TMEM117: variants seen among roughly 807,000 people sequenced by gnomAD.
TMEM117 encodes the protein transmembrane protein 117.
A neutral mutation model predicts 52.4 loss-of-function variants in TMEM117; 27 were observed. That is an observed-to-expected ratio of 0.51 (90% CI 0.38 to 0.71). TMEM117 has a LOEUF of 0.71. Ranked by LOEUF, TMEM117 falls within the 30% of genes least tolerant of loss-of-function variation. The pLI, the probability that TMEM117 is intolerant of heterozygous loss-of-function variation, is 0.00. For missense variants in TMEM117, 556 were observed against 630.5 expected, an observed-to-expected ratio of 0.88 and a Z score of 1.26; for synonymous variants, 215 against 206.3, an observed-to-expected ratio of 1.04 and a Z score of -0.36.
At chr12:43,828,784 G>A in the TMEM117 span, among the ~76,000 whole-genome samples, 5 of 152,114 alleles carry the variant, frequency 3.3e-5, no homozygotes, top group South Asian at 1.0e-3. Flanking sequence ...TATCCCCCAT[G>A]AGTCCCTGCT....
intron 2 of TMEM117, among the ~76,000 whole-genome samples, chr12:43,904,969 C>T (rs543204056): frequency 1.3e-5 from 2 of 152,092 alleles, no homozygotes; most frequent in Non-Finnish European, 2.9e-5. Context: ...CAAGGAGAAA[C>T]CCTGTCTCTA....
In TMEM117 at chr12:44,100,329, C is replaced by G. The variant is rs558729568; in HGVS notation, c.411-43196C>G. Among the ~76,000 whole-genome samples, 7 of 152,032 alleles carry G rather than the reference C, an allele frequency of 4.6e-5. No homozygotes were observed. In the East Asian group the frequency reaches 1.4e-3, roughly 30 times the overall value. Reference sequence around the variant, plus strand: ...AGATTTATTCTTTTCATTTGGAATACTGGTCATTTTTTTATGGGCAGTACT... The same window carrying G: ...AGATTTATTCTTTTCATTTGGAATAGTGGTCATTTTTTTATGGGCAGTACT... On this transcript the variant is annotated intron_variant, in intron 3 of 7. Transcript: ENST00000266534.
intron 2 of TMEM117, among the ~76,000 whole-genome samples, chr12:43,900,754 C>A (rs1944291029): frequency 6.6e-6 from 1 of 151,320 alleles, no homozygotes; most frequent in Non-Finnish European, 1.5e-5. Context: ...CTCTTCAATT[C>A]TTTCTTTTTG....
intron 6 of TMEM117, among the ~76,000 whole-genome samples, chr12:44,372,315 T>A (rs552801405): frequency 6.6e-6 from 1 of 152,340 alleles, no homozygotes; most frequent in East Asian, 1.9e-4. Flanking sequence ...TTTTATCTTG[T>A]GTTCAAAATA....
intron 2 of TMEM117, among the ~76,000 whole-genome samples, chr12:43,871,078 C>G (rs1477406082): frequency 6.6e-6 from 1 of 151,848 alleles, no homozygotes; most frequent in Non-Finnish European, 1.5e-5. Context: ...AGCCACTGCA[C>G]CCAGCCTTCT....
intron 3 of TMEM117, among the ~76,000 whole-genome samples, chr12:44,092,332 GT>G (rs1368605331): frequency 6.6e-6 from 1 of 152,146 alleles, no homozygotes; most frequent in African/African-American, 2.4e-5. Flanking sequence ...CTGACAGGGT[GT>G]TCCTTTCAAA....
intron 3 of TMEM117, among the ~76,000 whole-genome samples, chr12:44,059,086 G>T (rs1031243800): frequency 3.3e-5 from 5 of 152,110 alleles, no homozygotes; most frequent in Non-Finnish European, 5.9e-5. Flanking sequence ...TGGGGTTCAT[G>T]CTCCTATGAG....
chr12:44,252,773 C>T (rs890207747), intron 5 of TMEM117, among the ~76,000 whole-genome samples: 6 of 152,146 alleles, frequency 3.9e-5, no homozygotes, highest in Admixed American at 6.5e-5. Flanking sequence ...GTTTTCCCCA[C>T]AGGACTGTGA....
rs144657591 is a variant in TMEM117 at position 44,312,258 on chromosome 12, C to G, written c.768+12519C>G. On this transcript the variant is annotated intron_variant, in intron 6 of 7. Coordinates refer to ENST00000266534, the MANE Select transcript of TMEM117 (RefSeq NM_032256.3). ...AGATTTTCAGTTTTTCAGCCCTTGT[C>G]CCTTCCCTTCCCTCTCTAGTAATCC... Among the ~76,000 whole-genome samples, 260 of 151,910 alleles carry G rather than the reference C, an allele frequency of 1.7e-3. 1 individual carries two copies. Among genetic ancestry groups the G allele is most frequent in the African/African-American group, 6.0e-3 (249 of 41,390 alleles).
chr12:43,997,547 T>C (rs1946051184), intron 3 of TMEM117, among the ~76,000 whole-genome samples: 1 of 152,210 alleles, frequency 6.6e-6, no homozygotes, highest in Non-Finnish European at 1.5e-5. Flanking sequence ...TTCCTTTGCA[T>C]CCTCCAATTC....
intron 2 of TMEM117, among the ~76,000 whole-genome samples, chr12:43,857,728 CCT>C: frequency 6.6e-6 from 1 of 152,244 alleles, no homozygotes; most frequent in South Asian, 2.1e-4. Flanking sequence ...AGAATTTTCC[CCT>C]GATTTATTTC....
chr12:43,920,341 G>A (rs1944671281), intron 2 of TMEM117, among the ~76,000 whole-genome samples: 1 of 152,050 alleles, frequency 6.6e-6, no homozygotes, highest in Admixed American at 6.6e-5. Flanking sequence ...GTGAAACCCT[G>A]TCTCTACTAA....
rs981963716 is a variant in TMEM117, at chr12:44,017,438, T to C, written c.410+73096T>C. ...CTCACAGTTGTGGAAAGAAATCTTA[T>C]ATGATTTCTAAAAGCAAGGATCTGC... On this transcript the variant is annotated intron_variant, in intron 3 of 7. Transcript: ENST00000266534. Among the ~76,000 whole-genome samples, 3 of 151,242 alleles carry C rather than the reference T, an allele frequency of 2.0e-5. No individual in the cohort carries two copies. In the East Asian group the frequency reaches 5.9e-4, roughly 30 times the overall value.
chr12:44,395,797 G>A, the TMEM117 span, among the ~76,000 whole-genome samples: 3 of 152,186 alleles, frequency 2.0e-5, no homozygotes, highest in Admixed American at 2.0e-4. Context: ...AGACTTGGAA[G>A]TGGCATATAT....
chr12:43,802,931 T>G, the TMEM117 span, among the ~76,000 whole-genome samples: 1 of 152,270 alleles, frequency 6.6e-6, no homozygotes, highest in South Asian at 2.1e-4. Flanking sequence ...TGCTACAGAT[T>G]TAAACATTTG....
At chr12:43,835,083 C>A (rs761609449), upstream of TMEM117, among the ~76,000 whole-genome samples, 2 of 152,214 alleles carry the variant, frequency 1.3e-5, no homozygotes, top group Non-Finnish European at 2.9e-5. Context: ...CTAGTGATAA[C>A]TTCCATTACC....
chr12:43,945,109 C>CTAAATAAATAAA (rs71091187), intron 3 of TMEM117, among the ~76,000 whole-genome samples: 10,070 of 141,572 alleles, frequency 0.071, 397 homozygotes, highest in Middle Eastern at 0.17. Context: ...GACTCCGTCT[C>CTAAATAAATAAA]TAAATAAATA....
chr12:44,387,119 C>A (rs543296226), intron 7 of TMEM117, among the ~76,000 whole-genome samples: 2 of 151,380 alleles, frequency 1.3e-5, no homozygotes, highest in African/African-American at 4.8e-5. Context: ...ATGATACTTG[C>A]AATAATTTAT....
chr12:44,255,059 T>C (rs543751507), intron 5 of TMEM117, among the ~76,000 whole-genome samples: 6 of 152,304 alleles, frequency 3.9e-5, no homozygotes, highest in African/African-American at 1.4e-4. Context: ...AGTCTATCGT[T>C]GTTGGACATT....
Sources: allele counts gnomAD v4.1 joint callset (sites outside exome capture counted in the v4.1 genomes callset), GRCh38; gene constraint gnomAD v4.1.1; transcripts MANE v1.5; gene names NCBI Gene and HGNC (gene_info 2026-07-23, HGNC 2026-07-21).